The following CREB5 variants were observed in gnomAD, a reference collection of about 807,000 sequenced individuals.
CREB5 encodes cyclic AMP-responsive element-binding protein 5.
Under a neutral mutation model 57.1 loss-of-function variants are expected in CREB5, and 19 were observed. The ratio of observed to expected loss-of-function variants is 0.33; its 90% CI spans 0.23 to 0.49. The LOEUF is 0.49. CREB5 is among the 20% of genes least tolerant of loss of function. CREB5 has a pLI of 0.99. For missense variants in CREB5, 579 were observed against 671.6 expected (o/e 0.86, Z 1.52); for synonymous variants, 238 against 238.3 (o/e 1.00, Z 0.01).
chr7:28,422,716 T>C (rs1369167133), intron 1 of CREB5, among the ~76,000 whole-genome samples: 2 of 152,210 alleles, frequency 1.3e-5, no homozygotes, highest in Non-Finnish European at 2.9e-5. Context: ...ACATTACATG[T>C]ATTAAGCTGT....
At chr7:28,686,184 G>A in intron 5 of CREB5, 2 of 1,612,470 alleles carry the variant, frequency 1.2e-6, no homozygotes, top group Non-Finnish European at 1.7e-6. Context: ...TTCAGCCTCA[G>A]TGATGTCCAT....
intron 1 of CREB5, among the ~76,000 whole-genome samples, chr7:28,445,852 A>G (rs954222094): frequency 2.6e-5 from 4 of 152,118 alleles, no homozygotes; most frequent in African/African-American, 9.7e-5. Context: ...CGCCCGGCCT[A>G]TTCTTCTAAC....
chr7:28,566,002 A>C (rs1455304232), intron 4 of CREB5, among the ~76,000 whole-genome samples: 2 of 152,226 alleles, frequency 1.3e-5, no homozygotes, highest in African/African-American at 4.8e-5. Context: ...AGCAGTTAGC[A>C]TGACCCTTTA....
intron 1 of CREB5, among the ~76,000 whole-genome samples, chr7:28,450,021 C>T (rs1173376363): frequency 2.6e-5 from 4 of 152,058 alleles, no homozygotes; most frequent in Non-Finnish European, 5.9e-5. Flanking sequence ...ATCTTTGGAC[C>T]TCCTTTGGAC....
At position 28,393,954 on chromosome 7, in the gene CREB5, A is replaced by G. The variant is rs544782433; in HGVS notation, c.-25+94513A>G. Among the ~76,000 whole-genome samples the G allele has an allele frequency of 2.6e-5, 4 of 152,016 alleles. No individual in the cohort carries two copies. The East Asian group carries it at 7.8e-4, about 29-fold the overall frequency. On this transcript the variant is annotated intron_variant, in intron 1 of 9. Transcript: ENST00000396299. ...GCCAGGTGCAGTTGTGCACACCTGT[A>G]GTCCCAGTTACTGGGGAGGCTGAGG...
At chr7:28,449,098 A>G (rs1789653308) in intron 1 of CREB5, among the ~76,000 whole-genome samples, 1 of 152,098 alleles carries the variant, frequency 6.6e-6, no homozygotes, top group South Asian at 2.1e-4. Flanking sequence ...CTCCTCTTCC[A>G]TGTAATATGT....
At chr7:28,348,179 T>C (rs866140413) in intron 1 of CREB5, among the ~76,000 whole-genome samples, 2 of 152,184 alleles carry the variant, frequency 1.3e-5, no homozygotes, top group South Asian at 4.2e-4. Flanking sequence ...TGTGGCTTCT[T>C]ATTCCACAAG....
intron 5 of CREB5, among the ~76,000 whole-genome samples, chr7:28,573,572 C>A (rs905538818): frequency 2.6e-5 from 4 of 152,312 alleles, no homozygotes; most frequent in East Asian, 3.9e-4. Context: ...CCTGCTCCCC[C>A]CTCTTCCCTT....
intron 4 of CREB5, among the ~76,000 whole-genome samples, chr7:28,551,026 C>A (rs79049950): frequency 0.087 from 13,227 of 152,102 alleles, 639 homozygotes; most frequent in South Asian, 0.13. Flanking sequence ...TGCTGAGAAA[C>A]ACATCTGTTA....
At chr7:28,520,277 C>T (rs1290539418) in intron 4 of CREB5, among the ~76,000 whole-genome samples, 1 of 152,212 alleles carries the variant, frequency 6.6e-6, no homozygotes, top group Non-Finnish European at 1.5e-5. Flanking sequence ...CAACTTCCTC[C>T]TTCGTAGTTG....
intron 5 of CREB5, among the ~76,000 whole-genome samples, chr7:28,698,366 A>T (rs943253694): frequency 6.8e-6 from 1 of 146,850 alleles, no homozygotes; most frequent in Non-Finnish European, 1.5e-5. Context: ...AAAAAAAAAA[A>T]AAAAACACAC....
At chr7:28,607,303 C>A (rs544925177) in intron 5 of CREB5, among the ~76,000 whole-genome samples, 2 of 152,090 alleles carry the variant, frequency 1.3e-5, no homozygotes, top group South Asian at 4.2e-4. Flanking sequence ...CAATGTGAGG[C>A]CCCAAGACTG....
upstream of CREB5, chr7:28,409,855 C>A: frequency 2.2e-6 from 1 of 453,268 alleles, no homozygotes; most frequent in South Asian, 1.6e-5. This position sits in a 1 kb window ranked among gnomAD's most constrained non-coding sequence, Gnocchi z 4.4. Flanking sequence ...TCCCCTGACG[C>A]GGGGACCAGT....
At chr7:28,466,143 C>A (rs369696548) in intron 1 of CREB5, among the ~76,000 whole-genome samples, 1 of 144,924 alleles carries the variant, frequency 6.9e-6, no homozygotes. Context: ...GTTTCTCTTG[C>A]GGTCTTTCTA....
At chr7:28,602,657 G>A (rs1006844574) in intron 5 of CREB5, among the ~76,000 whole-genome samples, 2 of 152,188 alleles carry the variant, frequency 1.3e-5, no homozygotes, top group African/African-American at 4.8e-5. Flanking sequence ...TTCTTGAAAT[G>A]ACAAGATTAT....
chr7:28,516,866 G>A (rs750916689), intron 4 of CREB5, among the ~76,000 whole-genome samples: 4 of 152,168 alleles, frequency 2.6e-5, no homozygotes, highest in Non-Finnish European at 4.4e-5. Context: ...ACTCTCCTCC[G>A]AATGAATCCA....
intron 7 of CREB5, among the ~76,000 whole-genome samples, chr7:28,759,313 C>G (rs1335828832): frequency 1.3e-5 from 2 of 152,198 alleles, no homozygotes; most frequent in East Asian, 3.9e-4. Context: ...AGAGAACAAG[C>G]AATAAAATAT....
In CREB5 at chr7:28,317,836, C is replaced by T. The variant is rs185123951; in HGVS notation, c.-25+18395C>T. ...CTCTAAGCACCTTAGGAGAAGGACA[C>T]TGTCTCTATTTGTTGAGTTCTGTAT... On this transcript the variant is annotated intron_variant, in intron 1 of 9. Transcript: ENST00000396299. Among the ~76,000 whole-genome samples the T allele has an allele frequency of 9.8e-5, 15 of 152,304 alleles. No individual in the cohort carries two copies. In the East Asian group the frequency reaches 2.7e-3, roughly 27 times the overall value.
chr7:28,573,918 C>T (rs1479292747), intron 5 of CREB5, among the ~76,000 whole-genome samples: 1 of 152,196 alleles, frequency 6.6e-6, no homozygotes, highest in African/African-American at 2.4e-5. Context: ...CACAGCAATC[C>T]ATACCATGCC....
Sources: allele counts gnomAD v4.1 joint callset (sites outside exome capture counted in the v4.1 genomes callset), GRCh38; gene constraint gnomAD v4.1.1; non-coding constraint Gnocchi (gnomAD v3.1); transcripts MANE v1.5; gene names NCBI Gene and HGNC (gene_info 2026-07-23, HGNC 2026-07-21).